Variants in NOS1 observed in about 807,000 individuals in gnomAD.
NOS1 encodes NOS type I.
NOS1 carries 51 observed loss-of-function variants against 164.5 expected under a neutral mutation model. The observed-to-expected ratio is 0.31, with a 90% confidence interval of 0.25 to 0.39. The LOEUF (loss-of-function observed/expected upper bound fraction) is 0.39, where lower values mean the gene tolerates loss of function less well. Ranked by LOEUF, NOS1 falls within the 10% of genes least tolerant of loss-of-function variation. The pLI is 1.00. For synonymous variants in NOS1, 719 were observed against 745.8 expected, an observed-to-expected ratio of 0.96 and a Z score of 0.59; for missense variants, 1,362 against 1,885.6, an observed-to-expected ratio of 0.72 and a Z score of 5.14.
intron 3 of NOS1, among the ~76,000 whole-genome samples, chr12:117,296,200 CA>C (rs1351214553): frequency 1.3e-4 from 20 of 152,158 alleles, no homozygotes; most frequent in Non-Finnish European, 4.4e-5. Flanking sequence ...AGTATATGTT[CA>C]ATAAACATAT....
intron 3 of NOS1, among the ~76,000 whole-genome samples, chr12:117,307,940 A>T (rs1874235073): frequency 6.6e-6 from 1 of 151,116 alleles, no homozygotes. Flanking sequence ...GCTTGAACCC[A>T]GGAGGCGGAG....
chr12:117,230,445 A>T (rs1018895858), intron 22 of NOS1, among the ~76,000 whole-genome samples: 1 of 152,218 alleles, frequency 6.6e-6, no homozygotes, highest in South Asian at 2.1e-4. Context: ...AACTACTTAC[A>T]GCCCTTTAAG....
chr12:117,281,600 C>A (rs1873673996), intron 7 of NOS1, among the ~76,000 whole-genome samples: 1 of 150,116 alleles, frequency 6.7e-6, no homozygotes, highest in South Asian at 2.1e-4. Flanking sequence ...CTTTGGGAGG[C>A]CAAGGCAGGC....
At chr12:117,264,737 T>C (rs1365545492) in intron 12 of NOS1, among the ~76,000 whole-genome samples, 1 of 149,794 alleles carries the variant, frequency 6.7e-6, no homozygotes, top group African/African-American at 2.5e-5. Context: ...CTTTCTCTCT[T>C]TCTTTTTGTC....
chr12:117,329,797 C>T (rs1875438486), intron 2 of NOS1, among the ~76,000 whole-genome samples: 1 of 152,154 alleles, frequency 6.6e-6, no homozygotes, highest in East Asian at 1.9e-4. Context: ...GACTTTGATT[C>T]CCTTCTACTC....
chr12:117,247,435 T>G lies in NOS1; in HGVS notation c.2736A>C (p.Gly912=). ...HAVDTLLEEL[G]GERILKMREG... ...CCCTCATCTTCAGGATCCTCTCCCCTCCCAGTTCTTCCAGGAGGGTGTCCA... is the reference window on the plus strand; with the variant it reads ...CCCTCATCTTCAGGATCCTCTCCCCGCCCAGTTCTTCCAGGAGGGTGTCCA... Residue 912 remains glycine (G), a synonymous_variant, in exon 18 of 29, where the codon GGA becomes GGC. Transcript: ENST00000317775. 3 of 1,612,964 alleles carry G rather than the reference T, an allele frequency of 1.9e-6. No homozygotes were observed. The South Asian group carries it at 3.3e-5, about 18-fold the overall frequency.
Position 117,249,683 on chromosome 12 carries a change from C to T in NOS1, c.2649-2161G>A, listed in dbSNP as rs556722495. 4.0e-4 allele frequency among the ~76,000 whole-genome samples: 61 copies of T among 152,158 alleles called. No homozygotes were observed. In the South Asian group the frequency reaches 5.4e-3, roughly 14 times the overall value. On this transcript the variant is annotated intron_variant, in intron 17 of 28. Coordinates refer to ENST00000317775, the MANE Select transcript of NOS1 (RefSeq NM_000620.5). ...GCTTCACAGACCCTCTGTGCATAGA[C>T]GCCACCAAGAAAATATTGGTGCTTG...
chr12:117,215,409 T>C, intron 28 of NOS1, 85 bp from the exon 29 acceptor site: 1 of 1,383,476 alleles, frequency 7.2e-7, no homozygotes, highest in South Asian at 2.0e-5. Flanking sequence ...AAATCACCCA[T>C]GCTCTGGGCT....
chr12:117,239,417 G>A (rs748200305), intron 20 of NOS1, among the ~76,000 whole-genome samples: 16 of 152,284 alleles, frequency 1.1e-4, no homozygotes, highest in Middle Eastern at 3.4e-3. Context: ...ACACATTAGC[G>A]ATCCATTATG....
intron 7 of NOS1, among the ~76,000 whole-genome samples, chr12:117,282,307 C>T (rs1452428761): frequency 6.6e-6 from 1 of 152,098 alleles, no homozygotes; most frequent in African/African-American, 2.4e-5. Context: ...ATTCGCTGGC[C>T]CCCCATCCCA....
At chr12:117,267,981 G>T (rs895018268) in intron 11 of NOS1, 62 bp downstream of exon 11, 4 of 1,172,992 alleles carry the variant, frequency 3.4e-6, no homozygotes, top group South Asian at 1.3e-5. Context: ...CTGCATCAAG[G>T]CTCTGAAAGG....
chr12:117,269,219 C>T (rs1872633500), intron 10 of NOS1, among the ~76,000 whole-genome samples: 1 of 152,020 alleles, frequency 6.6e-6, no homozygotes, highest in Admixed American at 6.6e-5. Flanking sequence ...GCCAGATATT[C>T]GCAGATCTGG....
chr12:117,237,689 C>T (rs937560804), intron 20 of NOS1, among the ~76,000 whole-genome samples: 8 of 148,216 alleles, frequency 5.4e-5, no homozygotes, highest in Non-Finnish European at 9.0e-5. Flanking sequence ...AAAAAAAAAA[C>T]AGAAAATGTG....
chr12:117,347,752 A>T (rs1238904256), intron 1 of NOS1, among the ~76,000 whole-genome samples: 2 of 152,148 alleles, frequency 1.3e-5, no homozygotes, highest in Non-Finnish European at 2.9e-5. Flanking sequence ...CCTGGGGCTG[A>T]TACTCAACAC....
chr12:117,219,548 C>A (rs1411510480), intron 27 of NOS1, among the ~76,000 whole-genome samples: 1 of 151,996 alleles, frequency 6.6e-6, no homozygotes, highest in Non-Finnish European at 1.5e-5. Flanking sequence ...CTTAGGTGAT[C>A]CTCCCACCTT....
chr12:117,273,540 T>C (rs1268767149), intron 9 of NOS1, among the ~76,000 whole-genome samples: 1 of 152,176 alleles, frequency 6.6e-6, no homozygotes, highest in East Asian at 1.9e-4. Context: ...ACCAACTGAA[T>C]AGTTTCCCCC....
At chr12:117,226,513 T>A (rs543195187) in intron 24 of NOS1, among the ~76,000 whole-genome samples, 170 bp downstream of exon 24, 1 of 152,336 alleles carries the variant, frequency 6.6e-6, no homozygotes, top group South Asian at 2.1e-4. Context: ...CTTGCTGTGC[T>A]GCTCTGATCT....
At chr12:117,236,075 T>C (rs1270393366) in intron 20 of NOS1, among the ~76,000 whole-genome samples, 2 of 152,142 alleles carry the variant, frequency 1.3e-5, no homozygotes, top group East Asian at 3.9e-4. Context: ...ACAAACCCCA[T>C]ATCTGTATTT....
At chr12:117,302,112 C>G (rs1362663077) in intron 3 of NOS1, 1 of 456,534 alleles carries the variant, frequency 2.2e-6, no homozygotes, top group African/African-American at 2.0e-5. Context: ...TTGGGTTGAG[C>G]TGGGGGTTCA....
Sources: gnomAD v4.1 joint callset for allele counts (sites outside exome capture counted in the v4.1 genomes callset) on GRCh38, gnomAD v4.1.1 for gene constraint, MANE v1.5 for transcripts, NCBI Gene and HGNC (gene_info 2026-07-23, HGNC 2026-07-21) for gene names.